Variants in IQGAP2 observed in about 807,000 individuals in gnomAD.
The protein encoded by IQGAP2 is IQ motif containing GTPase activating protein 2.
Under a neutral mutation model 201.3 loss-of-function variants are expected in IQGAP2, and 173 were observed. The observed-to-expected ratio is 0.86, with a 90% CI of 0.76 to 0.98. The LOEUF is 0.98. Ranked by LOEUF, IQGAP2 falls within the 50% of genes least tolerant of loss-of-function variation. The pLI, the probability that IQGAP2 is intolerant of heterozygous loss-of-function variation, is 0.00. For synonymous variants in IQGAP2, 675 were observed against 673.9 expected (o/e 1.00, Z -0.03); for missense variants, 1,687 against 1,864.8 (o/e 0.90, Z 1.76).
intron 2 of IQGAP2, among the ~76,000 whole-genome samples, chr5:76,520,234 T>G (rs1387780614): frequency 1.3e-5 from 2 of 151,244 alleles, no homozygotes; most frequent in Admixed American, 6.6e-5. Flanking sequence ...TTAAGGGGGG[T>G]TTTTTGCCTG....
chr5:76,688,934 T>C (rs1746019362), intron 30 of IQGAP2, among the ~76,000 whole-genome samples: 2 of 152,006 alleles, frequency 1.3e-5, no homozygotes, highest in South Asian at 4.1e-4. Flanking sequence ...ACCCACATGA[T>C]TTGAAATCCT....
chr5:76,478,996 T>C (rs999114942), intron 2 of IQGAP2, among the ~76,000 whole-genome samples: 2 of 152,062 alleles, frequency 1.3e-5, no homozygotes, highest in African/African-American at 2.4e-5. Context: ...TGCTCACAAC[T>C]TTCATAGGCT....
chr5:76,690,639 A>G (rs758758900), intron 30 of IQGAP2, among the ~76,000 whole-genome samples: 3 of 152,228 alleles, frequency 2.0e-5, no homozygotes, highest in Admixed American at 1.3e-4. Context: ...TAACTTTTCT[A>G]GAAGCCTTAT....
intron 2 of IQGAP2, among the ~76,000 whole-genome samples, chr5:76,509,422 A>G (rs1430575100): frequency 6.7e-6 from 1 of 149,688 alleles, no homozygotes; most frequent in East Asian, 1.9e-4. Flanking sequence ...TTTGAGACAG[A>G]GTCTCACTCT....
chr5:76,412,020 T>G (rs1751149998), intron 1 of IQGAP2, among the ~76,000 whole-genome samples: 1 of 152,036 alleles, frequency 6.6e-6, no homozygotes, highest in Non-Finnish European at 1.5e-5. Context: ...TCCTTCTCCA[T>G]TTTTTTTCTC....
At chr5:76,478,170 C>A (rs546500233) in intron 2 of IQGAP2, among the ~76,000 whole-genome samples, 5 of 152,018 alleles carry the variant, frequency 3.3e-5, no homozygotes, top group African/African-American at 1.2e-4. Context: ...GAGGCCAAGG[C>A]GGGTGGATCA....
intron 2 of IQGAP2, among the ~76,000 whole-genome samples, chr5:76,472,425 G>A (rs1301064290): frequency 6.6e-6 from 1 of 152,192 alleles, no homozygotes; most frequent in Non-Finnish European, 1.5e-5. Context: ...TTATGCTGTG[G>A]AGCTAGAATG....
At chr5:76,511,922 C>T (rs944174339) in intron 2 of IQGAP2, among the ~76,000 whole-genome samples, 4 of 152,088 alleles carry the variant, frequency 2.6e-5, no homozygotes, top group Admixed American at 6.5e-5. Flanking sequence ...CCTCGTGATC[C>T]GCCCGCCTCG....
chr5:76,693,794 A>T, intron 31 of IQGAP2: 3 of 165,816 alleles, frequency 1.8e-5, no homozygotes, highest in Non-Finnish European at 3.9e-5. Flanking sequence ...TTCACATTTT[A>T]TGTATTTACT....
intron 31 of IQGAP2, among the ~76,000 whole-genome samples, chr5:76,694,882 C>T (rs1439385037): frequency 6.6e-6 from 1 of 152,152 alleles, no homozygotes; most frequent in Admixed American, 6.5e-5. Context: ...ATTTACTCAT[C>T]GTTTGGGAAT....
chr5:76,591,023 G>A (rs558611001), intron 8 of IQGAP2, among the ~76,000 whole-genome samples: 2 of 152,294 alleles, frequency 1.3e-5, no homozygotes, highest in Non-Finnish European at 2.9e-5. Flanking sequence ...CTTGAGCCTG[G>A]GAGGTTGAGG....
intron 21 of IQGAP2, 48 bp downstream of exon 21, chr5:76,658,715 C>G: frequency 6.9e-7 from 1 of 1,448,094 alleles, no homozygotes; most frequent in Non-Finnish European, 9.7e-7. Flanking sequence ...GGGAAGACGC[C>G]TACATACAGT....
intron 17 of IQGAP2, among the ~76,000 whole-genome samples, chr5:76,650,037 G>A (rs924447404): frequency 1.3e-5 from 2 of 152,228 alleles, no homozygotes; most frequent in African/African-American, 4.8e-5. Context: ...GGGATGCAGG[G>A]ATTACTGTCC....
rs1283104079 is a variant in IQGAP2 at position 76,403,535 on chromosome 5, A to C, written c.-11A>C. ...GGGCGCGCCCCGGGCGGGCCCCCGG[A>C]GACGCGCAGGATGCCACACGAAGAG... On this transcript the variant is annotated 5_prime_UTR_variant, in exon 1 of 36. Transcript: ENST00000274364. The surrounding 1 kb of genome is among the most constrained non-coding windows in gnomAD (Gnocchi z 4.8). 2 of 1,502,260 alleles carry C rather than the reference A, an allele frequency of 1.3e-6. No homozygotes were observed. The highest frequency in any genetic ancestry group is 8.8e-7 in the Non-Finnish European group (1 of 1,132,384). 93.1% of individuals were successfully genotyped at this position (1,502,260 alleles called of 1,614,324 possible). A position where few individuals can be genotyped will look rare whatever the true frequency, so the allele number is the denominator to read the frequency against.
At chr5:76,591,633 G>A (rs554270150) in intron 8 of IQGAP2, among the ~76,000 whole-genome samples, 27 of 152,270 alleles carry the variant, frequency 1.8e-4, no homozygotes, top group African/African-American at 5.1e-4. Context: ...GCTTATGTGC[G>A]TCCTTGCTGC....
intron 2 of IQGAP2, among the ~76,000 whole-genome samples, chr5:76,483,608 G>A (rs1329803437): frequency 1.3e-5 from 2 of 152,204 alleles, no homozygotes; most frequent in African/African-American, 4.8e-5. Context: ...TTCGAGTCAA[G>A]CACATAAAAG....
At chr5:76,511,777 T>C (rs1460356400) in intron 2 of IQGAP2, among the ~76,000 whole-genome samples, 1 of 150,472 alleles carries the variant, frequency 6.6e-6, no homozygotes, top group Non-Finnish European at 1.5e-5. Flanking sequence ...GCCTCCCGGG[T>C]TCACACCATT....
At chr5:76,612,190 A>G (rs1338205238) in intron 13 of IQGAP2, among the ~76,000 whole-genome samples, 2 of 152,100 alleles carry the variant, frequency 1.3e-5, no homozygotes, top group East Asian at 3.9e-4. Flanking sequence ...GTTGAAAGCT[A>G]TCTAAAATGT....
rs115752852 is a variant in IQGAP2 at position 76,591,791 on chromosome 5, C to T, written c.820-1047C>T. ...AAATCAGCCATCAGCTTTATGCCAG[C>T]CCATCCCAAATTGGCCTCTCTCCTC... is the stretch of plus-strand genomic sequence containing the variant. On this transcript the variant is annotated intron_variant, in intron 8 of 35. Coordinates refer to ENST00000274364, the MANE Select transcript of IQGAP2 (RefSeq NM_006633.5). Among the ~76,000 whole-genome samples the T allele has an allele frequency of 8.2e-3, 1,253 of 152,284 alleles. 13 individuals are homozygous for T. The highest frequency in any genetic ancestry group is 0.013 in the Non-Finnish European group (875 of 68,022).
Sources: allele counts gnomAD v4.1 joint callset (sites outside exome capture counted in the v4.1 genomes callset), GRCh38; gene constraint gnomAD v4.1.1; non-coding constraint Gnocchi (gnomAD v3.1); transcripts MANE v1.5; gene names NCBI Gene and HGNC (gene_info 2026-07-23, HGNC 2026-07-21).